The following SIPA1L2 variants were observed in gnomAD, a reference collection of about 807,000 sequenced individuals.
The protein encoded by SIPA1L2 is signal induced proliferation associated 1 like 2, also known as signal-induced proliferation-associated 1-like protein 2.
SIPA1L2 carries 56 observed loss-of-function variants against 163.9 expected under a neutral mutation model. The observed-to-expected ratio is 0.34, with a 90% CI of 0.28 to 0.43. The LOEUF (loss-of-function observed/expected upper bound fraction) is 0.43, where lower values mean the gene tolerates loss of function less well. Ranked by LOEUF, SIPA1L2 falls within the 20% of genes least tolerant of loss-of-function variation. SIPA1L2 has a pLI of 1.00. For synonymous variants in SIPA1L2, 877 were observed against 865.7 expected (o/e 1.01, Z -0.23); for missense variants, 1,974 against 2,193.5 (o/e 0.90, Z 2.00).
rs140627559 is a variant in SIPA1L2, at chr1:232,542,173, C to T, written c.-269-26565G>A. Among the ~76,000 whole-genome samples, 710 of 152,234 alleles carry T rather than the reference C, an allele frequency of 4.7e-3. 5 individuals carry two copies. The highest frequency in any genetic ancestry group is 0.016 in the African/African-American group (677 of 41,540). ...ATGTAACCCTGGGAAAGTCGCTTCG[C>T]GATATATACTAATTTCTCTTCTGTC... On this transcript the variant is annotated intron_variant, in intron 2 of 22. Coordinates refer to ENST00000674635, the MANE Select transcript of SIPA1L2 (RefSeq NM_020808.5).
chr1:232,495,859 C>G (rs1666160313), intron 3 of SIPA1L2, among the ~76,000 whole-genome samples: 1 of 151,968 alleles, frequency 6.6e-6, no homozygotes. Flanking sequence ...TAGAAAAAAG[C>G]TTACAGAATG....
At chr1:232,590,924 G>A (rs1267866832) in intron 1 of SIPA1L2, among the ~76,000 whole-genome samples, 2 of 152,206 alleles carry the variant, frequency 1.3e-5, no homozygotes, top group African/African-American at 2.4e-5. Context: ...ACTGTGCTTT[G>A]TAAGAGTTTC....
chr1:232,478,525 T>C (rs528434098), intron 7 of SIPA1L2, among the ~76,000 whole-genome samples: 9 of 152,326 alleles, frequency 5.9e-5, no homozygotes, highest in South Asian at 4.1e-4. Context: ...TGAGTCTTTT[T>C]TAAAAAGGAA....
At chr1:232,524,737 T>C (rs1007920471) in intron 2 of SIPA1L2, among the ~76,000 whole-genome samples, 1 of 152,060 alleles carries the variant, frequency 6.6e-6, no homozygotes, top group South Asian at 2.1e-4. Flanking sequence ...TAAACAGCCA[T>C]ATACAGAAAG....
intron 8 of SIPA1L2, among the ~76,000 whole-genome samples, chr1:232,469,862 A>C (rs1482641188): frequency 6.7e-6 from 1 of 150,326 alleles, no homozygotes; most frequent in Non-Finnish European, 1.5e-5. Flanking sequence ...AGAGTTGTTT[A>C]ATTAAAACCG....
chr1:232,481,520 C>A (rs1217238732), intron 6 of SIPA1L2, among the ~76,000 whole-genome samples: 1 of 152,118 alleles, frequency 6.6e-6, no homozygotes. Context: ...TTTCTCAAGC[C>A]ATACTAAAAG....
Position 232,514,971 on chromosome 1 carries a change from T to G in SIPA1L2, c.369A>C (p.Glu123Asp), listed in dbSNP as rs1667157219. 6.2e-7 allele frequency: 1 copy of G among 1,614,194 alleles called. No individual in the cohort carries two copies. Among genetic ancestry groups the G allele is most frequent in the South Asian group, 1.1e-5 (1 of 91,088 alleles). The change falls in exon 3 of 23, where the codon GAA becomes GAC. Residue 123 changes from glutamate to aspartate, a missense_variant. By Grantham distance (45) the Glu-to-Asp change is conservative. Around this residue, in one of 3 missense-constraint regions of SIPA1L2, gnomAD observed 607 missense variants for 624.0 expected, o/e 0.97. Coordinates refer to ENST00000674635, the MANE Select transcript of SIPA1L2 (RefSeq NM_020808.5). The stretch of plus-strand genomic sequence containing the variant: ...GATCGAGCTGTTCATCTTGCTGACC[T>G]TCACTCTGGTCACTCTGCCCATTCT... Reference protein sequence around the residue: ...VLQNGQSDQSEGQQDEQLDLD... With the variant: ...VLQNGQSDQSDGQQDEQLDLD...
chr1:232,504,324 A>G (rs1666622032), intron 3 of SIPA1L2, among the ~76,000 whole-genome samples: 1 of 152,186 alleles, frequency 6.6e-6, no homozygotes, highest in African/African-American at 2.4e-5. Flanking sequence ...GGATCACTTG[A>G]GGTTAGGAGC....
intron 15 of SIPA1L2, among the ~76,000 whole-genome samples, chr1:232,437,532 T>G (rs1240891524): frequency 1.3e-5 from 2 of 152,214 alleles, no homozygotes; most frequent in Non-Finnish European, 2.9e-5. Flanking sequence ...CACACATGAT[T>G]TCTACTCTCT....
Position 232,469,038 on chromosome 1 carries a change from T to C in SIPA1L2, c.2243+2333A>G, listed in dbSNP as rs1480412784. ...CATGGGGGAGGCCTGACTCCCTCTG[T>C]AGGGTGGGAGTGTGGTCTTCTGCTC... On this transcript the variant is annotated intron_variant, in intron 8 of 22. Coordinates refer to ENST00000674635, the MANE Select transcript of SIPA1L2 (RefSeq NM_020808.5). Among the ~76,000 whole-genome samples, 6 of 152,166 alleles carry C rather than the reference T, an allele frequency of 3.9e-5. No homozygotes were observed. In the East Asian group the frequency reaches 1.2e-3, roughly 29 times the overall value.
At chr1:232,612,380 G>A (rs1416127586) in intron 1 of SIPA1L2, among the ~76,000 whole-genome samples, 10 of 152,158 alleles carry the variant, frequency 6.6e-5, no homozygotes, top group Admixed American at 1.3e-4. Flanking sequence ...AGCTTGCACC[G>A]TTCGCCTGGA....
intron 5 of SIPA1L2, among the ~76,000 whole-genome samples, chr1:232,489,144 T>C (rs1051697454): frequency 6.6e-6 from 1 of 152,158 alleles, no homozygotes; most frequent in Non-Finnish European, 1.5e-5. Context: ...ACCTGCTCTG[T>C]AGTACAGTGA....
At chr1:232,425,553 C>T (rs551659551) in intron 18 of SIPA1L2, 36 bp downstream of exon 18, 113 of 1,494,214 alleles carry the variant, frequency 7.6e-5, no homozygotes, top group South Asian at 5.5e-4. Context: ...AGCCCACCCT[C>T]GGCGCTGGCC....
Position 232,513,868 on chromosome 1 carries a change from A to T in SIPA1L2, c.1472T>A (p.Phe491Tyr). The T allele has an allele frequency of 6.4e-7, 1 of 1,568,996 alleles. No homozygotes were observed. The highest frequency in any genetic ancestry group is 8.6e-7 in the Non-Finnish European group (1 of 1,161,218). Residue 491 changes from phenylalanine to tyrosine, a missense_variant, in exon 3 of 23, where the codon TTC becomes TAC. By Grantham distance (22) the Phe-to-Tyr change is conservative (BLOSUM62 3). Transcript: ENST00000674635. ...TGGCTCTTCCTTACCTTTCCCATAG[A>T]AGAATTTGCGGTAATAATAGGCCCC... Reference protein sequence around the residue: ...DLGAYYYRKFFYGKEHQNYFG... With the variant: ...DLGAYYYRKFYYGKEHQNYFG...
At chr1:232,464,287 A>G (rs1009375150) in intron 9 of SIPA1L2, among the ~76,000 whole-genome samples, 6 of 152,244 alleles carry the variant, frequency 3.9e-5, no homozygotes, top group Non-Finnish European at 8.8e-5. Context: ...AATCACATAC[A>G]TGAAAATCTT....
At chr1:232,557,223 A>T (rs1193634965) in intron 2 of SIPA1L2, among the ~76,000 whole-genome samples, 1 of 152,182 alleles carries the variant, frequency 6.6e-6, no homozygotes, top group Non-Finnish European at 1.5e-5. Context: ...GATATAACAT[A>T]CAGTGAACGC....
chr1:232,514,615 G>C lies in SIPA1L2; in HGVS notation c.725C>G (p.Pro242Arg), dbSNP rs777130990. Residue 242 changes from proline (P) to arginine (R), a missense_variant, in exon 3 of 23, where the codon CCG becomes CGG. Coordinates refer to ENST00000674635, the MANE Select transcript of SIPA1L2 (RefSeq NM_020808.5). ...AATCTGTGCTGCTGCATGAAGGCTC[G>C]GAGAGATTGCAGGGTCACAGCGGAA... is the stretch of plus-strand genomic sequence containing the variant. The part of the protein sequence containing the change: ...EFFRCDPAIS[P>R]SLHAAAQISR... 10 of 1,614,050 alleles carry C rather than the reference G, an allele frequency of 6.2e-6. No homozygotes were observed. Among genetic ancestry groups the C allele is most frequent in the Non-Finnish European group, 8.5e-6 (10 of 1,180,030 alleles).
chr1:232,441,865 G>A lies in SIPA1L2; in HGVS notation c.3441C>T (p.Cys1147=). ...GGTGTTCGAGCAGTAGAGGGGACTG[G>A]CACCTGAAAAGAACACAGAGTTGAG... is the stretch of plus-strand genomic sequence containing the variant. ...PWRPQVGYDG[C]QSPLLLEHQG... The change falls in exon 13 of 23, where the codon TGC becomes TGT. Residue 1147 remains cysteine, a synonymous_variant. Coordinates refer to ENST00000674635, the MANE Select transcript of SIPA1L2 (RefSeq NM_020808.5). The A allele has an allele frequency of 6.2e-6, 10 of 1,611,070 alleles. No homozygotes were observed. The highest frequency in any genetic ancestry group is 8.5e-6 in the Non-Finnish European group (10 of 1,178,472).
At chr1:232,448,652 T>C (rs1663358597) in intron 10 of SIPA1L2, among the ~76,000 whole-genome samples, 1 of 152,158 alleles carries the variant, frequency 6.6e-6, no homozygotes, top group South Asian at 2.1e-4. Flanking sequence ...GAAGGTGTGC[T>C]GAGGGAAAAA....
Sources: allele counts gnomAD v4.1 joint callset (sites outside exome capture counted in the v4.1 genomes callset), GRCh38; gene constraint gnomAD v4.1.1; regional missense constraint gnomAD v4.1.1; transcripts MANE v1.5; gene names NCBI Gene and HGNC (gene_info 2026-07-23, HGNC 2026-07-21).